The following RSF1 variants were observed in gnomAD, a reference collection of about 807,000 sequenced individuals.
RSF1 encodes remodeling and spacing factor 1, also known as HBV pX-associated protein 8.
A neutral mutation model predicts 145.2 loss-of-function variants in RSF1; 13 were observed. The observed-to-expected ratio is 0.09, with a 90% CI of 0.06 to 0.14. The LOEUF is 0.14. Ranked by LOEUF, RSF1 falls within the 10% of genes least tolerant of loss-of-function variation. The pLI is 1.00. For missense variants in RSF1, 1,517 were observed against 1,718.2 expected (o/e 0.88, Z 2.07); for synonymous variants, 577 against 592.6 (o/e 0.97, Z 0.38).
the RSF1 span, among the ~76,000 whole-genome samples, chr11:77,826,689 A>T: frequency 2.6e-5 from 4 of 152,220 alleles, no homozygotes; most frequent in African/African-American, 9.6e-5. Flanking sequence ...ACCAGACCCT[A>T]TAACTGTATG....
intron 1 of RSF1, among the ~76,000 whole-genome samples, chr11:77,773,477 C>T (rs1348474234): frequency 1.3e-5 from 2 of 152,058 alleles, no homozygotes; most frequent in African/African-American, 2.4e-5. Context: ...GGCAAACACT[C>T]GTTCTTGGAG....
intron 2 of RSF1, among the ~76,000 whole-genome samples, chr11:77,750,629 G>A (rs1351345266): frequency 6.6e-6 from 1 of 152,050 alleles, no homozygotes; most frequent in African/African-American, 2.4e-5. Context: ...GTGAATTCTT[G>A]GGTCCTGGAA....
intron 1 of RSF1, among the ~76,000 whole-genome samples, chr11:77,782,246 T>C (rs1948411265): frequency 6.6e-6 from 1 of 152,012 alleles, no homozygotes; most frequent in East Asian, 1.9e-4. Flanking sequence ...AGGCCAGAAG[T>C]GGTGGCTCAC....
chr11:77,664,808 G>GA lies in RSF1; in HGVS notation c.*2108dup, dbSNP rs1403944131. On this transcript the variant is annotated 3_prime_UTR_variant, in exon 16 of 16. Coordinates refer to ENST00000308488, the MANE Select transcript of RSF1 (RefSeq NM_016578.4). ...CAAATAAATAAAACAAACCTAGCTG[G>GA]AAAGGAGACTGTTAAGTAAATGTAG... 6.6e-6 allele frequency: 1 copy of GA among 152,182 alleles called. No homozygotes were observed. Among genetic ancestry groups the GA allele is most frequent in the Non-Finnish European group, 1.5e-5 (1 of 68,042 alleles). 9.4% of individuals were successfully genotyped at this position (152,182 alleles called of 1,614,324 possible).
chr11:77,671,388 T>C (rs1959546005), intron 15 of RSF1, among the ~76,000 whole-genome samples: 1 of 151,062 alleles, frequency 6.6e-6, no homozygotes, highest in African/African-American at 2.4e-5. Context: ...CACTTTTATT[T>C]GAAACCTTTT....
At chr11:77,833,591 T>C in the RSF1 span, among the ~76,000 whole-genome samples, 18 of 152,144 alleles carry the variant, frequency 1.2e-4, no homozygotes, top group Non-Finnish European at 4.4e-5. Flanking sequence ...TCCTAACAGA[T>C]CACGGACTGG....
intron 4 of RSF1, chr11:77,735,007 G>A (rs1238473088): frequency 2.5e-6 from 4 of 1,589,148 alleles, no homozygotes; most frequent in African/African-American, 2.7e-5. Context: ...GCGCACCTGT[G>A]AGGTGGACGT....
intron 4 of RSF1, among the ~76,000 whole-genome samples, chr11:77,727,642 A>G (rs1961091339): frequency 2.0e-5 from 3 of 151,756 alleles, no homozygotes; most frequent in Admixed American, 1.3e-4. Context: ...ACGCCTGGCT[A>G]ATTTCTTTTG....
intron 8 of RSF1, among the ~76,000 whole-genome samples, chr11:77,692,929 G>T (rs1452492708): frequency 6.6e-6 from 1 of 152,136 alleles, no homozygotes; most frequent in African/African-American, 2.4e-5. Context: ...GCCCATCTCG[G>T]CCTCCCAAAG....
At chr11:77,717,516 C>CT (rs1378354237) in intron 5 of RSF1, among the ~76,000 whole-genome samples, 1 of 152,218 alleles carries the variant, frequency 6.6e-6, no homozygotes, top group Non-Finnish European at 1.5e-5. Flanking sequence ...TCTCCGTATA[C>CT]TGATGCCAAG....
intron 11 of RSF1, among the ~76,000 whole-genome samples, chr11:77,678,651 T>C (rs1959777610): frequency 6.6e-6 from 1 of 152,162 alleles, no homozygotes; most frequent in Non-Finnish European, 1.5e-5. Context: ...AGAGCCCTCA[T>C]GTATAAGATT....
intron 7 of RSF1, 72 bp from the exon 8 acceptor site, chr11:77,693,683 A>G (rs954049875): frequency 3.9e-5 from 41 of 1,040,482 alleles, no homozygotes; most frequent in Non-Finnish European, 5.5e-5. Context: ...AGACGTTTCA[A>G]TATCTCTGAG....
chr11:77,684,180 C>T (rs952178232), intron 10 of RSF1, among the ~76,000 whole-genome samples: 5 of 152,154 alleles, frequency 3.3e-5, no homozygotes, highest in Non-Finnish European at 7.4e-5. Flanking sequence ...AAAGGGGTTG[C>T]TACTCAAGGA....
intron 1 of RSF1, chr11:77,813,326 T>A: frequency 2.4e-6 from 2 of 834,544 alleles, no homozygotes; most frequent in Non-Finnish European, 4.1e-6. Context: ...GACTTAAGCA[T>A]CTGCAATGGT....
At chr11:77,786,445 C>T (rs546496616) in intron 1 of RSF1, among the ~76,000 whole-genome samples, 4 of 152,142 alleles carry the variant, frequency 2.6e-5, no homozygotes, top group Non-Finnish European at 4.4e-5. Context: ...GAGCCTTGGA[C>T]ACCTTTTCAC....
At chr11:77,678,724 T>C (rs78194335) in intron 11 of RSF1, among the ~76,000 whole-genome samples, 4,746 of 152,186 alleles carry the variant, frequency 0.031, 113 homozygotes, top group Non-Finnish European at 0.049. Context: ...GGGGTTACAG[T>C]GAGAAGATGG....
intron 2 of RSF1, among the ~76,000 whole-genome samples, chr11:77,759,922 T>C (rs1948155204): frequency 6.6e-6 from 1 of 151,374 alleles, no homozygotes; most frequent in African/African-American, 2.4e-5. Context: ...CTATTATCAT[T>C]ATTATTAAAA....
chr11:77,804,486 A>C (rs917428925), intron 1 of RSF1, among the ~76,000 whole-genome samples: 1 of 152,148 alleles, frequency 6.6e-6, no homozygotes, highest in Non-Finnish European at 1.5e-5. Flanking sequence ...ATGGCATGAG[A>C]CCAGCCTTTA....
At chr11:77,849,188 C>T in the RSF1 span, among the ~76,000 whole-genome samples, 4 of 151,998 alleles carry the variant, frequency 2.6e-5, no homozygotes, top group African/African-American at 7.2e-5. Flanking sequence ...AGGCAATTGC[C>T]TCCATACCTG....
Sources: gnomAD v4.1 joint callset for allele counts (sites outside exome capture counted in the v4.1 genomes callset) on GRCh38, gnomAD v4.1.1 for gene constraint, MANE v1.5 for transcripts, NCBI Gene and HGNC (gene_info 2026-07-23, HGNC 2026-07-21) for gene names.